The following SLC15A5 variants were observed in gnomAD, a reference collection of about 807,000 sequenced individuals.
SLC15A5 encodes solute carrier family 15 member 5, also known as Peptide/histidine transporter ENSP00000340402.
SLC15A5 carries 58 observed loss-of-function variants against 56.1 expected under a neutral mutation model. The ratio of observed to expected loss-of-function variants is 1.03; its 90% CI spans 0.84 to 1.29. The LOEUF is 1.29. SLC15A5 is among the 50% of genes most tolerant of loss of function. The pLI, the probability that SLC15A5 is intolerant of heterozygous loss-of-function variation, is 0.00. For synonymous variants in SLC15A5, 264 were observed against 250.5 expected, an observed-to-expected ratio of 1.05 and a Z score of -0.51; for missense variants, 681 against 672.1, an observed-to-expected ratio of 1.01 and a Z score of -0.15.
At chr12:16,205,639 A>G (rs1184662259) in intron 7 of SLC15A5, among the ~76,000 whole-genome samples, 1 of 147,234 alleles carries the variant, frequency 6.8e-6, no homozygotes, top group African/African-American at 2.5e-5. Flanking sequence ...ATATACACAT[A>G]TATACACATG....
At chr12:16,247,988 A>G (rs574096890) in intron 3 of SLC15A5, among the ~76,000 whole-genome samples, 5 of 152,242 alleles carry the variant, frequency 3.3e-5, no homozygotes, top group Admixed American at 2.6e-4. Context: ...ATGAAGAGAT[A>G]TGAAGAGAAT....
At chr12:16,191,759 A>C (rs969756585) in intron 8 of SLC15A5, among the ~76,000 whole-genome samples, 17 of 152,030 alleles carry the variant, frequency 1.1e-4, no homozygotes, top group Non-Finnish European at 2.4e-4. Context: ...TCCAATCCCA[A>C]TGGCCAATAG....
chr12:16,264,981 A>C (rs1338736253), intron 2 of SLC15A5, among the ~76,000 whole-genome samples: 1 of 152,228 alleles, frequency 6.6e-6, no homozygotes, highest in African/African-American at 2.4e-5. Context: ...TTAGAAGAAA[A>C]GATAAACCAG....
intron 2 of SLC15A5, among the ~76,000 whole-genome samples, chr12:16,268,073 T>A (rs1864713853): frequency 8.7e-6 from 1 of 114,316 alleles, no homozygotes; most frequent in African/African-American, 3.4e-5. Flanking sequence ...CTCATGTACC[T>A]TTCAAGCTTA....
chr12:16,242,049 AC>A (rs1864418855), intron 4 of SLC15A5, among the ~76,000 whole-genome samples: 1 of 152,190 alleles, frequency 6.6e-6, no homozygotes, highest in South Asian at 2.1e-4. Context: ...ATTCATTCTC[AC>A]CTTTGACTGG....
chr12:16,212,920 G>C (rs1412843614), intron 7 of SLC15A5, among the ~76,000 whole-genome samples: 1 of 152,092 alleles, frequency 6.6e-6, no homozygotes, highest in African/African-American at 2.4e-5. Context: ...GTGAGGAGTA[G>C]AACTGAGCTG....
At chr12:16,239,987 T>C (rs1270876590) in intron 4 of SLC15A5, 120 bp from the exon 5 acceptor site, 3 of 922,358 alleles carry the variant, frequency 3.3e-6, no homozygotes, top group Admixed American at 5.8e-5. Context: ...GGATGTTGCC[T>C]AGTTTTTCAA....
At chr12:16,219,754 T>TG (rs1193267186) in intron 6 of SLC15A5, among the ~76,000 whole-genome samples, 1 of 102,774 alleles carries the variant, frequency 9.7e-6, no homozygotes, top group East Asian at 3.8e-4. Flanking sequence ...ATCATCAATT[T>TG]GATTTTTTTT....
intron 2 of SLC15A5, among the ~76,000 whole-genome samples, chr12:16,268,717 A>G (rs1015880566): frequency 2.0e-5 from 3 of 152,220 alleles, no homozygotes; most frequent in East Asian, 1.9e-4. Flanking sequence ...TAGTGGGTTC[A>G]ATCAATGATT....
At chr12:16,224,150 A>G (rs144318325) in intron 6 of SLC15A5, among the ~76,000 whole-genome samples, 121 of 152,346 alleles carry the variant, frequency 7.9e-4, no homozygotes, top group African/African-American at 2.8e-3. Flanking sequence ...GTGTCTGACA[A>G]AATGGTTATT....
At position 16,217,009 on chromosome 12, in the gene SLC15A5, TATG is replaced by T. The variant is rs762216908; in HGVS notation, c.1364_1366del (p.Ser455del). ...TCTGACATTGCTTGGAACAAATCTG[TATG>T]ATATTACAGAGACTGAGAGAAAAAG... On this transcript the variant is annotated inframe_deletion, in exon 7 of 9. Coordinates refer to ENST00000344941, the MANE Select transcript of SLC15A5 (RefSeq NM_001170798.1). 5.2e-6 allele frequency: 8 copies of T among 1,536,222 alleles called. No homozygotes were observed. Among genetic ancestry groups the T allele is most frequent in the African/African-American group, 2.7e-5 (2 of 73,020 alleles).
Position 16,257,699 on chromosome 12 carries a change from A to G in SLC15A5, c.754+2T>C, listed in dbSNP as rs536282216. 4 of 1,457,438 alleles carry G rather than the reference A, an allele frequency of 2.7e-6. No homozygotes were observed. The African/African-American group carries it at 4.4e-5, about 16-fold the overall frequency. 90.3% of individuals were successfully genotyped at this position (1,457,438 alleles called of 1,614,324 possible). On this transcript the variant is annotated splice_donor_variant, in intron 3 of 8. Coordinates refer to ENST00000344941, the MANE Select transcript of SLC15A5 (RefSeq NM_001170798.1). LOFTEE classifies it high-confidence loss of function. ...AATCAATGTAACGCATAATTTACTT[A>G]CGTTTTTCTGACTGATAAATTAGGT... is the stretch of plus-strand genomic sequence containing the variant.
intron 2 of SLC15A5, among the ~76,000 whole-genome samples, chr12:16,266,381 G>T (rs894100268): frequency 6.6e-6 from 1 of 152,206 alleles, no homozygotes; most frequent in African/African-American, 2.4e-5. Context: ...AAACTGCATT[G>T]CTCTAAAGAG....
chr12:16,244,495 T>C (rs1864442493), intron 4 of SLC15A5, 85 bp downstream of exon 4: 1 of 1,246,054 alleles, frequency 8.0e-7, no homozygotes, highest in Non-Finnish European at 1.1e-6. Flanking sequence ...AAAGCGCTCG[T>C]TGGGGAGAAA....
rs1192638243 is a variant in SLC15A5, at chr12:16,267,464, C to A, written c.584+5097G>T. ...AGGGGAAAATAGAAACTTTAGAGTT[C>A]CTTTTTATCTGTAAATACATATTTT... On this transcript the variant is annotated intron_variant, in intron 2 of 8. Coordinates refer to ENST00000344941, the MANE Select transcript of SLC15A5 (RefSeq NM_001170798.1). 1.3e-4 allele frequency among the ~76,000 whole-genome samples: 15 copies of A among 115,982 alleles called. 5 individuals are homozygous for A. The highest frequency in any genetic ancestry group is 5.0e-4 in the African/African-American group (15 of 29,868). The allele number at this position is 115,982 out of a possible 152,430, so 76.1% of individuals were successfully genotyped here. A position where few individuals can be genotyped will look rare whatever the true frequency, so the allele number is the denominator to read the frequency against.
chr12:16,253,497 C>A (rs1461922790), intron 3 of SLC15A5, among the ~76,000 whole-genome samples: 1 of 152,098 alleles, frequency 6.6e-6, no homozygotes, highest in Non-Finnish European at 1.5e-5. Context: ...ATAGAATTTT[C>A]TTCAAAGAAG....
chr12:16,228,595 A>G (rs1210861938), intron 5 of SLC15A5, among the ~76,000 whole-genome samples: 4 of 152,156 alleles, frequency 2.6e-5, no homozygotes, highest in Admixed American at 1.3e-4. Flanking sequence ...GTACACTTAC[A>G]TGCGGGTTTT....
chr12:16,240,000 T>A, intron 4 of SLC15A5, 133 bp from the exon 5 acceptor site: 1 of 791,980 alleles, frequency 1.3e-6, no homozygotes, highest in Non-Finnish European at 2.0e-6. Context: ...TTTTTCAAGT[T>A]CCCAGTTATG....
chr12:16,244,940 A>T, intron 3 of SLC15A5, 140 bp from the exon 4 acceptor site: 1 of 823,560 alleles, frequency 1.2e-6, no homozygotes, highest in South Asian at 1.8e-5. Context: ...TCGGACTCAA[A>T]GGACCACGCT....
Sources: allele counts gnomAD v4.1 joint callset (sites outside exome capture counted in the v4.1 genomes callset), GRCh38; gene constraint gnomAD v4.1.1; transcripts MANE v1.5; gene names NCBI Gene and HGNC (gene_info 2026-07-23, HGNC 2026-07-21).